The following FAM131B variants were observed in gnomAD, a reference collection of about 807,000 sequenced individuals.
The protein encoded by FAM131B is family with sequence similarity 131 member B.
FAM131B carries 19 observed loss-of-function variants against 42.0 expected under a neutral mutation model. The ratio of observed to expected loss-of-function variants is 0.45; its 90% confidence interval spans 0.32 to 0.66. The LOEUF (loss-of-function observed/expected upper bound fraction) is 0.66. Among genes scored for constraint, FAM131B ranks in the 30% least tolerant of loss-of-function variants. The probability of loss-of-function intolerance (pLI) is 0.05; values close to 1 mark genes in which losing one functional copy is unlikely to be tolerated. For missense variants in FAM131B, 370 were observed against 468.4 expected, an observed-to-expected ratio of 0.79 and a Z score of 1.94; for synonymous variants, 183 against 177.6, an observed-to-expected ratio of 1.03 and a Z score of -0.24.
In FAM131B at chr7:143,354,969, CAG is replaced by C. The variant is rs1296831224; in HGVS notation, c.*1579_*1580del. ...TGTGCCCAGGGCCAGGAGAGGACAA[CAG>C]TGCTCCCTTCCAGCAGAGGATGCAA... On this transcript the variant is annotated 3_prime_UTR_variant, in exon 7 of 7. Transcript: ENST00000443739. 1 of 145,522 alleles carries C rather than the reference CAG, an allele frequency of 6.9e-6. No individual in the cohort carries two copies. Among genetic ancestry groups the C allele is most frequent in the Admixed American group, 6.9e-5 (1 of 14,412 alleles). 9.0% of individuals were successfully genotyped at this position (145,522 alleles called of 1,614,324 possible). A position where few individuals can be genotyped will look rare whatever the true frequency, so the allele number is the denominator to read the frequency against.
At chr7:143,369,555 G>C in the FAM131B span, among the ~76,000 whole-genome samples, 2 of 151,902 alleles carry the variant, frequency 1.3e-5, no homozygotes, top group Admixed American at 1.3e-4. Context: ...GGCACCTGTA[G>C]TCCTAGCTAC....
Position 143,358,808 on chromosome 7 carries a change from G to A in FAM131B, c.466+19C>T, listed in dbSNP as rs1371108377. 1.9e-6 allele frequency: 3 copies of A among 1,610,846 alleles called. No homozygotes were observed. The highest frequency in any genetic ancestry group is 2.2e-5 in the South Asian group (2 of 90,672). ...GCCATCCTGCAAATGTGTCTCTTGA[G>A]GCTTTAGGGTACCTGTACCTGCTAG... is the stretch of plus-strand genomic sequence containing the variant. On this transcript the variant is annotated intron_variant, in intron 5 of 6. Transcript: ENST00000443739. This position sits in a 1 kb window ranked among gnomAD's most constrained non-coding sequence, Gnocchi z 4.7.
Position 143,358,928 on chromosome 7 carries a change from G to A in FAM131B, c.365C>T (p.Thr122Ile). ...GCTGTGTTGTGGCTGAACAGCTGGT[G>A]TCTTCCCCCAGCCCTGCCACTCAAT... ...HMIEWQGWGK[T>I]PAVQPQHSHE... The change falls in exon 5 of 7, where the codon ACA becomes ATA. Residue 122 changes from threonine (T) to isoleucine (I), a missense_variant. Thr to Ile is a moderately conservative substitution (Grantham distance 89). Coordinates refer to ENST00000443739, the MANE Select transcript of FAM131B (RefSeq NM_001031690.3). The surrounding 1 kb of genome is among the most constrained non-coding windows in gnomAD (Gnocchi z 4.7). 1 of 1,613,920 alleles carries A rather than the reference G, an allele frequency of 6.2e-7. No homozygotes were observed. The highest frequency in any genetic ancestry group is 8.5e-7 in the Non-Finnish European group (1 of 1,179,990).
rs117949135 is a variant in FAM131B at position 143,354,431 on chromosome 7, C to T, written c.*2119G>A. 2,374 of 152,334 alleles carry T rather than the reference C, an allele frequency of 0.016. 24 individuals carry two copies. Among genetic ancestry groups the T allele is most frequent in the Non-Finnish European group, 0.022 (1,467 of 68,094 alleles). The allele number at this position is 152,334 out of a possible 1,614,324, so 9.4% of individuals were successfully genotyped here. On this transcript the variant is annotated 3_prime_UTR_variant, in exon 7 of 7. Transcript: ENST00000443739. ...GTGGTCTGGGGGTATGATATGGGCA[C>T]TGAGAGGATGAGACGACAGGAAGAG...
At position 143,359,090 on chromosome 7, in the gene FAM131B, A is replaced by C. The variant is rs1803823992; in HGVS notation, c.269-66T>G. On this transcript the variant is annotated intron_variant, in intron 4 of 6. Coordinates refer to ENST00000443739, the MANE Select transcript of FAM131B (RefSeq NM_001031690.3). The surrounding 1 kb of genome is among the most constrained non-coding windows in gnomAD (Gnocchi z 5.4). Reference sequence around the variant, plus strand: ...ACAATACCCATAACCAGACCCTCCCAGTTCCTCCCACCCCAGCCCCATGAG... The same window carrying C: ...ACAATACCCATAACCAGACCCTCCCCGTTCCTCCCACCCCAGCCCCATGAG... The C allele has an allele frequency of 2.0e-6, 3 of 1,495,502 alleles. No homozygotes were observed. The highest frequency in any genetic ancestry group is 1.4e-5 in the African/African-American group (1 of 72,510). 92.6% of individuals were successfully genotyped at this position (1,495,502 alleles called of 1,614,324 possible).
chr7:143,371,619 A>C, the FAM131B span, among the ~76,000 whole-genome samples: 1 of 148,788 alleles, frequency 6.7e-6, no homozygotes, highest in East Asian at 1.9e-4. Flanking sequence ...GTCTCAAAAA[A>C]AAAAAAAAAA....
chr7:143,360,195 A>T (rs1206120335), intron 1 of FAM131B, 46 bp from the exon 2 acceptor site: 1 of 1,561,206 alleles, frequency 6.4e-7, no homozygotes, highest in South Asian at 1.2e-5. Flanking sequence ...CTCCCTGTGC[A>T]GCCGAGGCGA....
chr7:143,377,469 G>A, the FAM131B span, among the ~76,000 whole-genome samples: 4 of 152,140 alleles, frequency 2.6e-5, no homozygotes, highest in Non-Finnish European at 5.9e-5. Context: ...ACTTGAAAGG[G>A]GCTGTTGATG....
At chr7:143,362,933 C>T (rs1486747441), upstream of FAM131B, among the ~76,000 whole-genome samples, 2 of 151,776 alleles carry the variant, frequency 1.3e-5, no homozygotes, top group African/African-American at 4.8e-5. This position sits in a 1 kb window ranked among gnomAD's most constrained non-coding sequence, Gnocchi z 7.7. Context: ...CCGTCGCCGC[C>T]CCCCTCCTCC....
upstream of FAM131B, among the ~76,000 whole-genome samples, chr7:143,367,582 G>A (rs2116504115): frequency 6.6e-6 from 1 of 152,282 alleles, no homozygotes; most frequent in East Asian, 1.9e-4. Flanking sequence ...GTGTACACCT[G>A]TAATCCCAGC....
At position 143,362,512 on chromosome 7, in the gene FAM131B, G is replaced by A. The variant is rs1804050381; in HGVS notation, c.28+64C>T. 2 of 723,352 alleles carry A rather than the reference G, an allele frequency of 2.8e-6. No homozygotes were observed. Among genetic ancestry groups the A allele is most frequent in the Non-Finnish European group, 3.8e-6 (2 of 525,588 alleles). 44.8% of individuals were successfully genotyped at this position (723,352 alleles called of 1,614,324 possible). A position where few individuals can be genotyped will look rare whatever the true frequency, so the allele number is the denominator to read the frequency against. Reference sequence around the variant, plus strand: ...GCCCGGAGGCGCGAGGAGAGGGATGGGGGAGGGGGTCGGAGGGCGGCCCGG... The same window carrying A: ...GCCCGGAGGCGCGAGGAGAGGGATGAGGGAGGGGGTCGGAGGGCGGCCCGG... On this transcript the variant is annotated intron_variant, in intron 1 of 6. Coordinates refer to ENST00000443739, the MANE Select transcript of FAM131B (RefSeq NM_001031690.3). The surrounding 1 kb of genome is among the most constrained non-coding windows in gnomAD (Gnocchi z 7.7).
At chr7:143,381,520 C>G in the FAM131B span, 2 of 1,571,474 alleles carry the variant, frequency 1.3e-6, no homozygotes, top group East Asian at 2.4e-5. Flanking sequence ...GCTCCTGAGC[C>G]CGGCTCCGCG....
the FAM131B span, among the ~76,000 whole-genome samples, chr7:143,368,137 C>T: frequency 2.6e-5 from 4 of 152,352 alleles, no homozygotes; most frequent in South Asian, 8.3e-4. Flanking sequence ...CTCAGGGTGT[C>T]CTCACCATGA....
upstream of FAM131B, among the ~76,000 whole-genome samples, chr7:143,362,993 T>G (rs1382085031): frequency 1.3e-5 from 2 of 151,882 alleles, no homozygotes; most frequent in East Asian, 3.9e-4. This position sits in a 1 kb window ranked among gnomAD's most constrained non-coding sequence, Gnocchi z 7.7. Flanking sequence ...GAACCCCGGC[T>G]TGGGTTTCAG....
chr7:143,376,068 C>T, the FAM131B span, among the ~76,000 whole-genome samples: 12 of 152,188 alleles, frequency 7.9e-5, no homozygotes, highest in African/African-American at 2.7e-4. Flanking sequence ...GATGAGGGGA[C>T]TCCTGCCTTC....
intron 6 of FAM131B, 100 bp from the exon 7 acceptor site, chr7:143,357,122 A>T (rs985268616): frequency 4.3e-5 from 48 of 1,126,196 alleles, no homozygotes; most frequent in Non-Finnish European, 5.7e-5. Flanking sequence ...AGCACAGAGA[A>T]CTGGCAGTAA....
At chr7:143,380,523 T>C in the FAM131B span, 1 of 985,484 alleles carries the variant, frequency 1.0e-6, no homozygotes, top group Non-Finnish European at 1.2e-6. This position sits in a 1 kb window ranked among gnomAD's most constrained non-coding sequence, Gnocchi z 5.0. Flanking sequence ...CTCCCGGGTC[T>C]CCAGTCCGCA....
chr7:143,357,711 C>A (rs772521083), intron 5 of FAM131B, among the ~76,000 whole-genome samples: 1 of 151,916 alleles, frequency 6.6e-6, no homozygotes, highest in African/African-American at 2.4e-5. Flanking sequence ...TTATATGAAG[C>A]CTTTGAGATC....
Position 143,362,427 on chromosome 7 carries a change from C to A in FAM131B, c.28+149G>T. 1 of 349,558 alleles carries A rather than the reference C, an allele frequency of 2.9e-6. No individual in the cohort carries two copies. Among genetic ancestry groups the A allele is most frequent in the Non-Finnish European group, 5.1e-6 (1 of 195,388 alleles). 21.7% of individuals were successfully genotyped at this position (349,558 alleles called of 1,614,324 possible). On this transcript the variant is annotated intron_variant, in intron 1 of 6. Transcript: ENST00000443739. The surrounding 1 kb of genome is among the most constrained non-coding windows in gnomAD (Gnocchi z 7.7). ...GGGCAGGAAGGAGGGACAGAGGGACCGCGGGCGGACGGAAGGAAAGTGAAG... is the reference window on the plus strand; with the variant it reads ...GGGCAGGAAGGAGGGACAGAGGGACAGCGGGCGGACGGAAGGAAAGTGAAG...
Sources: gnomAD v4.1 joint callset for allele counts (sites outside exome capture counted in the v4.1 genomes callset) on GRCh38, gnomAD v4.1.1 for gene constraint, Gnocchi (gnomAD v3.1) non-coding constraint, MANE v1.5 for transcripts, NCBI Gene and HGNC (gene_info 2026-07-23, HGNC 2026-07-21) for gene names.